Variants in NELL2 observed in about 807,000 individuals in gnomAD.
The protein encoded by NELL2 is protein kinase C-binding protein NELL2.
Under a neutral mutation model 109.6 loss-of-function variants are expected in NELL2, and 41 were observed. The observed-to-expected ratio is 0.37, with a 90% CI of 0.29 to 0.49. The LOEUF is 0.49. Among genes scored for constraint, NELL2 ranks in the 20% least tolerant of loss-of-function variants. The pLI is 0.98. For missense variants in NELL2, 900 were observed against 1,008.3 expected, an observed-to-expected ratio of 0.89 and a Z score of 1.45; for synonymous variants, 355 against 344.7, an observed-to-expected ratio of 1.03 and a Z score of -0.33.
intron 14 of NELL2, among the ~76,000 whole-genome samples, chr12:44,610,241 C>CAA (rs34987677): frequency 6.1e-5 from 7 of 113,942 alleles, no homozygotes; most frequent in Admixed American, 9.5e-5. Flanking sequence ...CACAAGAGAG[C>CAA]AAAAAAAAAA....
intron 2 of NELL2, among the ~76,000 whole-genome samples, chr12:44,829,662 T>G (rs891669926): frequency 1.3e-5 from 2 of 152,210 alleles, no homozygotes; most frequent in Non-Finnish European, 2.9e-5. Context: ...CACCTTCGTA[T>G]ACTGACACCA....
intron 11 of NELL2, among the ~76,000 whole-genome samples, chr12:44,706,849 C>G (rs1344116598): frequency 6.6e-6 from 1 of 152,236 alleles, no homozygotes; most frequent in Admixed American, 6.6e-5. Context: ...GTTCTCTAAT[C>G]CCTTTGCAAG....
intron 1 of NELL2, among the ~76,000 whole-genome samples, chr12:44,903,545 C>A (rs1945685917): frequency 6.6e-6 from 1 of 152,088 alleles, no homozygotes; most frequent in Non-Finnish European, 1.5e-5. Flanking sequence ...TGGTTATATA[C>A]CCAAAGGATT....
chr12:44,715,161 A>G (rs1199278310), intron 9 of NELL2, among the ~76,000 whole-genome samples: 1 of 151,514 alleles, frequency 6.6e-6, no homozygotes, highest in African/African-American at 2.4e-5. Flanking sequence ...AGAATTTTAA[A>G]ATAGAACATT....
chr12:44,835,653 T>C (rs951236258), intron 2 of NELL2, among the ~76,000 whole-genome samples: 5 of 152,232 alleles, frequency 3.3e-5, no homozygotes, highest in African/African-American at 4.8e-5. Context: ...CAGTATTGTA[T>C]ATAATGGTTA....
At chr12:44,742,458 G>A (rs192803115) in intron 9 of NELL2, among the ~76,000 whole-genome samples, 306 of 152,338 alleles carry the variant, frequency 2.0e-3, no homozygotes, top group African/African-American at 6.7e-3. Context: ...GCTGGACGGA[G>A]AATGACTTTG....
chr12:44,807,896 C>A (rs1434531142), intron 3 of NELL2, among the ~76,000 whole-genome samples: 2 of 151,938 alleles, frequency 1.3e-5, no homozygotes, highest in Admixed American at 1.3e-4. Flanking sequence ...TACACAAAAA[C>A]CAAAATTCCA....
rs555030013 is a variant in NELL2, at chr12:44,577,603, G to A, written c.1663+29566C>T. 3.0e-3 allele frequency among the ~76,000 whole-genome samples: 451 copies of A among 149,312 alleles called. 3 individuals carry two copies. The highest frequency in any genetic ancestry group is 8.1e-3 in the African/African-American group (328 of 40,544). On this transcript the variant is annotated intron_variant, in intron 15 of 19. Coordinates refer to ENST00000429094, the MANE Select transcript of NELL2 (RefSeq NM_001145108.2). ...CACCATTCTCCTGCCTCAGCCTCCC[G>A]AGTAGCTGGGAATACAGGCGCCACC...
chr12:44,609,097 G>C (rs959800286), intron 14 of NELL2, among the ~76,000 whole-genome samples: 3 of 151,658 alleles, frequency 2.0e-5, no homozygotes, highest in African/African-American at 7.3e-5. Context: ...GTTAGGTTTT[G>C]TACATGGTGT....
chr12:44,696,807 C>G (rs1949074649), intron 12 of NELL2, among the ~76,000 whole-genome samples: 1 of 152,150 alleles, frequency 6.6e-6, no homozygotes, highest in African/African-American at 2.4e-5. Context: ...TTCTTAGGCT[C>G]TACATTGCCT....
intron 3 of NELL2, among the ~76,000 whole-genome samples, chr12:44,805,206 C>T (rs917670480): frequency 2.0e-5 from 3 of 151,716 alleles, no homozygotes; most frequent in African/African-American, 7.3e-5. Flanking sequence ...AAATGTGATG[C>T]AATTTCAATA....
At chr12:44,611,002 A>T in intron 13 of NELL2, 32 bp from the exon 14 acceptor site, 1 of 1,605,818 alleles carries the variant, frequency 6.2e-7, no homozygotes, top group Non-Finnish European at 8.5e-7. Context: ...TGTTACTCAA[A>T]GTTATATTTC....
chr12:44,726,665 C>T (rs1939098153), intron 9 of NELL2, among the ~76,000 whole-genome samples: 1 of 152,056 alleles, frequency 6.6e-6, no homozygotes, highest in Non-Finnish European at 1.5e-5. Context: ...CTTTCAAATG[C>T]TTGCATTTTA....
At chr12:44,529,412 G>C (rs1941945120) in intron 16 of NELL2, among the ~76,000 whole-genome samples, 2 of 152,130 alleles carry the variant, frequency 1.3e-5, no homozygotes, top group South Asian at 4.1e-4. Flanking sequence ...TTGTCTATTA[G>C]AAGTCCAAGT....
chr12:44,651,732 TC>T (rs574283921), intron 13 of NELL2, among the ~76,000 whole-genome samples: 33 of 152,072 alleles, frequency 2.2e-4, no homozygotes, highest in Non-Finnish European at 4.1e-4. Context: ...ACACCATAAA[TC>T]ATGGGTCACA....
At chr12:44,557,857 G>C (rs1002066087) in intron 15 of NELL2, among the ~76,000 whole-genome samples, 2 of 152,168 alleles carry the variant, frequency 1.3e-5, no homozygotes, top group Non-Finnish European at 2.9e-5. Flanking sequence ...ATCCAAGAAA[G>C]GGCACCCCGA....
At chr12:44,673,304 C>G (rs149473740) in intron 12 of NELL2, among the ~76,000 whole-genome samples, 6 of 152,176 alleles carry the variant, frequency 3.9e-5, no homozygotes, top group African/African-American at 9.6e-5. Context: ...CAAATTTAGT[C>G]CAGGGTGTAT....
intron 1 of NELL2, among the ~76,000 whole-genome samples, chr12:44,891,697 T>A (rs557401382): frequency 6.6e-6 from 1 of 152,336 alleles, no homozygotes; most frequent in Admixed American, 6.5e-5. Context: ...CTGAAAGCTC[T>A]ACTGTAAGAA....
chr12:44,613,093 G>A (rs1945685113), intron 13 of NELL2, among the ~76,000 whole-genome samples: 1 of 151,988 alleles, frequency 6.6e-6, no homozygotes, highest in Non-Finnish European at 1.5e-5. Context: ...CTTCCCCACA[G>A]ATTCTCCTGG....
Sources: gnomAD v4.1 joint callset for allele counts (sites outside exome capture counted in the v4.1 genomes callset) on GRCh38, gnomAD v4.1.1 for gene constraint, MANE v1.5 for transcripts, NCBI Gene and HGNC (gene_info 2026-07-23, HGNC 2026-07-21) for gene names.